Variants in NAALADL2 observed in about 807,000 individuals in gnomAD.
The protein encoded by NAALADL2 is N-acetylated alpha-linked acidic dipeptidase like 2.
Under a neutral mutation model 87.2 loss-of-function variants are expected in NAALADL2, and 76 were observed. The ratio of observed to expected loss-of-function variants is 0.87; its 90% CI spans 0.72 to 1.05. The LOEUF is 1.05. NAALADL2 is among the 50% of genes least tolerant of loss of function. The probability of loss-of-function intolerance (pLI) is 0.00; values close to 1 mark genes in which losing one functional copy is unlikely to be tolerated. For missense variants in NAALADL2, 1,089 were observed against 945.8 expected (o/e 1.15, Z -1.99); for synonymous variants, 354 against 331.0 (o/e 1.07, Z -0.75).
intron 2 of NAALADL2, among the ~76,000 whole-genome samples, chr3:175,157,991 GAA>G (rs1732578771): frequency 6.6e-6 from 1 of 152,058 alleles, no homozygotes; most frequent in Non-Finnish European, 1.5e-5. Flanking sequence ...AGGAGTTCTA[GAA>G]AAGACTTATA....
intron 1 of NAALADL2, among the ~76,000 whole-genome samples, chr3:174,886,008 G>T (rs1473241293): frequency 1.7e-4 from 24 of 144,390 alleles, no homozygotes; most frequent in African/African-American, 6.1e-4. Flanking sequence ...CCGCCTCCTG[G>T]GTTCACGCCA....
intron 2 of NAALADL2, among the ~76,000 whole-genome samples, chr3:175,147,336 C>T (rs111432547): frequency 8.5e-5 from 13 of 152,134 alleles, no homozygotes; most frequent in African/African-American, 2.9e-4. Flanking sequence ...TGAGAACATG[C>T]CGTATTTGGT....
At chr3:174,818,770 C>G (rs1373053213) in intron 3 of NAALADL2, among the ~76,000 whole-genome samples, 1 of 152,058 alleles carries the variant, frequency 6.6e-6, no homozygotes, top group Middle Eastern at 3.4e-3. Context: ...TGGGATAGAC[C>G]AAGTCTATGT....
intron 2 of NAALADL2, among the ~76,000 whole-genome samples, chr3:175,143,924 T>C (rs1407267500): frequency 3.3e-5 from 5 of 151,964 alleles, no homozygotes; most frequent in African/African-American, 9.7e-5. Flanking sequence ...CTGTATGCAA[T>C]ACATTATTGT....
intron 11 of NAALADL2, among the ~76,000 whole-genome samples, chr3:175,710,739 CACATAT>C (rs1401743058): frequency 4.0e-5 from 6 of 151,494 alleles, no homozygotes; most frequent in African/African-American, 7.3e-5. Context: ...TATAAATTTA[CACATAT>C]ACATATATAT....
intron 11 of NAALADL2, among the ~76,000 whole-genome samples, chr3:175,628,714 A>G (rs927222478): frequency 1.4e-4 from 21 of 149,188 alleles, no homozygotes; most frequent in Admixed American, 3.4e-4. Flanking sequence ...TCATTCTTAA[A>G]TCTTAGTGAA....
chr3:174,476,813 C>G (rs1717244840), intron 1 of NAALADL2, among the ~76,000 whole-genome samples: 1 of 151,962 alleles, frequency 6.6e-6, no homozygotes, highest in Non-Finnish European at 1.5e-5. Context: ...TATGCATTGG[C>G]TTAAGTGATT....
chr3:174,549,470 A>G (rs1320483523), intron 1 of NAALADL2, among the ~76,000 whole-genome samples: 2 of 152,198 alleles, frequency 1.3e-5, no homozygotes, highest in East Asian at 3.8e-4. Flanking sequence ...GTGTCAATTA[A>G]ATATGCAAAT....
intron 9 of NAALADL2, among the ~76,000 whole-genome samples, chr3:175,523,258 C>T (rs1199119243): frequency 6.6e-6 from 1 of 152,214 alleles, no homozygotes; most frequent in African/African-American, 2.4e-5. Context: ...GAAGTTATTA[C>T]TGGCGTCTAA....
intron 5 of NAALADL2, among the ~76,000 whole-genome samples, chr3:175,433,237 C>T (rs2149169496): frequency 6.6e-6 from 1 of 152,110 alleles, no homozygotes; most frequent in South Asian, 2.1e-4. Context: ...CCACTCATTT[C>T]CTACCTCATC....
In NAALADL2 at chr3:175,324,068, A is replaced by G. The variant is rs184183798; in HGVS notation, c.940-107A>G. 5,324 of 820,468 alleles carry G rather than the reference A, an allele frequency of 6.5e-3. 51 individuals are homozygous for G. The highest frequency in any genetic ancestry group is 8.5e-3 in the Non-Finnish European group (4,535 of 531,066). 50.8% of individuals were successfully genotyped at this position (820,468 alleles called of 1,614,324 possible). ...AGAAAAAGAAAAAGAAAAAGAAAAA[A>G]AAACTGGAAAAAGAGTCATCTTATC... On this transcript the variant is annotated intron_variant, in intron 4 of 13. Coordinates refer to ENST00000454872, the MANE Select transcript of NAALADL2 (RefSeq NM_207015.3).
chr3:175,165,941 T>G (rs1182852940), intron 2 of NAALADL2, among the ~76,000 whole-genome samples: 9 of 152,074 alleles, frequency 5.9e-5, no homozygotes, highest in African/African-American at 2.2e-4. Context: ...CTCTCAGGAA[T>G]AACTATGTGG....
At chr3:175,314,274 T>A (rs2110330325) in intron 4 of NAALADL2, among the ~76,000 whole-genome samples, 1 of 151,730 alleles carries the variant, frequency 6.6e-6, no homozygotes, top group South Asian at 2.1e-4. Context: ...CTTAGTATGG[T>A]GCCCTGCAAG....
intron 10 of NAALADL2, among the ~76,000 whole-genome samples, chr3:175,596,996 A>T (rs1722329891): frequency 6.6e-6 from 1 of 152,000 alleles, no homozygotes; most frequent in Non-Finnish European, 1.5e-5. Context: ...GATGGCATTT[A>T]TATGTAATAT....
chr3:174,737,809 G>A (rs143201954), intron 3 of NAALADL2: 152 of 152,218 alleles, frequency 1.0e-3, no homozygotes, highest in African/African-American at 3.5e-3. Flanking sequence ...TTTTAATAAG[G>A]TGACTTCATG....
chr3:175,231,747 A>G (rs1034712598), intron 2 of NAALADL2, among the ~76,000 whole-genome samples: 11 of 152,110 alleles, frequency 7.2e-5, no homozygotes, highest in African/African-American at 2.4e-4. Flanking sequence ...TTGTCTGTCA[A>G]TGTTACTGAT....
chr3:175,677,097 G>T (rs1183324442), intron 11 of NAALADL2, among the ~76,000 whole-genome samples: 1 of 152,138 alleles, frequency 6.6e-6, no homozygotes, highest in Non-Finnish European at 1.5e-5. Context: ...GGGCATGGTG[G>T]TTCACGCCTA....
rs114395525 is a variant in NAALADL2 at position 175,609,401 on chromosome 3, A to G, written c.1801-17890A>G. On this transcript the variant is annotated intron_variant, in intron 10 of 13. Transcript: ENST00000454872. The stretch of plus-strand genomic sequence containing the variant: ...AATACATATGTGTAGTATTTATATC[A>G]TTGTCATATTTATAGTATATATGAC... 141 of 152,302 alleles carry G rather than the reference A, an allele frequency of 9.3e-4. 1 individual carries two copies. The highest frequency in any genetic ancestry group is 3.3e-3 in the African/African-American group (138 of 41,580). 9.4% of individuals were successfully genotyped at this position (152,302 alleles called of 1,614,324 possible). A position where few individuals can be genotyped will look rare whatever the true frequency, so the allele number is the denominator to read the frequency against.
intron 11 of NAALADL2, among the ~76,000 whole-genome samples, chr3:175,706,475 C>T (rs533031282): frequency 1.3e-5 from 2 of 152,050 alleles, no homozygotes; most frequent in African/African-American, 4.8e-5. Flanking sequence ...TGAACATAAT[C>T]TCTGTCTTTC....
Sources: allele counts gnomAD v4.1 joint callset (sites outside exome capture counted in the v4.1 genomes callset), GRCh38; gene constraint gnomAD v4.1.1; transcripts MANE v1.5; gene names NCBI Gene and HGNC (gene_info 2026-07-23, HGNC 2026-07-21).